The following AGBL1 variants were observed in gnomAD, a reference collection of about 807,000 sequenced individuals.
AGBL1 encodes cytosolic carboxypeptidase 4.
Under a neutral mutation model 118.9 loss-of-function variants are expected in AGBL1, and 130 were observed. The observed-to-expected ratio is 1.09, with a 90% CI of 0.95 to 1.26. The LOEUF (loss-of-function observed/expected upper bound fraction) is 1.26, where lower values mean the gene tolerates loss of function less well. Among genes scored for constraint, AGBL1 ranks in the 50% most tolerant of loss-of-function variants. The pLI is 0.00. For missense variants in AGBL1, 1,584 were observed against 1,298.1 expected, an observed-to-expected ratio of 1.22 and a Z score of -3.38; for synonymous variants, 555 against 478.9, an observed-to-expected ratio of 1.16 and a Z score of -2.08.
chr15:86,844,046 T>C (rs779420368), intron 22 of AGBL1, among the ~76,000 whole-genome samples: 3 of 152,220 alleles, frequency 2.0e-5, no homozygotes, highest in Admixed American at 6.5e-5. Flanking sequence ...ATCTATCTTA[T>C]AGCATTTATC....
At chr15:86,458,686 A>G (rs1437556810) in intron 18 of AGBL1, among the ~76,000 whole-genome samples, 1 of 152,158 alleles carries the variant, frequency 6.6e-6, no homozygotes, top group East Asian at 1.9e-4. Context: ...CATTTAAGAG[A>G]TGAGAACATT....
intron 1 of AGBL1, chr15:86,105,422 A>G (rs1896999778): frequency 6.6e-6 from 1 of 152,182 alleles, no homozygotes; most frequent in Non-Finnish European, 1.5e-5. Context: ...AAAGGCACAA[A>G]CTCATGTTAG....
chr15:86,919,598 A>ACG (rs1470908395), downstream of AGBL1, among the ~76,000 whole-genome samples: 4 of 138,070 alleles, frequency 2.9e-5, no homozygotes, highest in South Asian at 5.1e-4. Flanking sequence ...ACACACACAC[A>ACG]CACACACACA....
intron 21 of AGBL1, among the ~76,000 whole-genome samples, chr15:86,556,990 A>G (rs2083744324): frequency 6.6e-6 from 1 of 152,242 alleles, no homozygotes; most frequent in Non-Finnish European, 1.5e-5. Context: ...GAACTGCATT[A>G]AAGAACATAA....
chr15:86,817,307 A>C (rs1463687290), intron 22 of AGBL1, among the ~76,000 whole-genome samples: 1 of 151,568 alleles, frequency 6.6e-6, no homozygotes, highest in Non-Finnish European at 1.5e-5. Context: ...AAAAAAAAAA[A>C]AAACCACCAA....
chr15:86,123,657 C>G (rs892370599), intron 1 of AGBL1, among the ~76,000 whole-genome samples: 4 of 152,196 alleles, frequency 2.6e-5, no homozygotes, highest in African/African-American at 4.8e-5. Flanking sequence ...GACCTGGAAG[C>G]CCCTGCTTCT....
At chr15:86,342,201 G>A (rs1202433396) in intron 17 of AGBL1, among the ~76,000 whole-genome samples, 1 of 152,136 alleles carries the variant, frequency 6.6e-6, no homozygotes, top group Non-Finnish European at 1.5e-5. Context: ...CATGAGCACT[G>A]TCTAAGCTTT....
At position 86,636,758 on chromosome 15, in the gene AGBL1, T is replaced by TACAC. The variant is rs138402400; in HGVS notation, c.2995-37513_2995-37510dup. On this transcript the variant is annotated intron_variant, in intron 21 of 22. Coordinates refer to ENST00000614907, the MANE Select transcript of AGBL1 (RefSeq NM_001386094.1). ...ATATATATATATATATATATATATA[T>TACAC]ACACATACATACAGAAAGGCAAGAG... Among the ~76,000 whole-genome samples the TACAC allele has an allele frequency of 7.7e-4, 23 of 29,986 alleles. 2 individuals are homozygous for TACAC. Among genetic ancestry groups the TACAC allele is most frequent in the Admixed American group, 1.4e-3 (3 of 2,154 alleles). 19.7% of individuals were successfully genotyped at this position (29,986 alleles called of 152,430 possible).
intron 22 of AGBL1, among the ~76,000 whole-genome samples, chr15:86,779,420 T>A (rs2078300727): frequency 6.6e-6 from 1 of 152,240 alleles, no homozygotes; most frequent in Non-Finnish European, 1.5e-5. Flanking sequence ...TGTGTGAATA[T>A]TATTTATCCA....
At chr15:86,232,879 C>T (rs2078479110) in intron 6 of AGBL1, among the ~76,000 whole-genome samples, 1 of 152,170 alleles carries the variant, frequency 6.6e-6, no homozygotes, top group African/African-American at 2.4e-5. Context: ...TGCCAGCCCT[C>T]AGCGAAGTGG....
At chr15:86,722,363 A>T (rs1258101431) in intron 22 of AGBL1, among the ~76,000 whole-genome samples, 1 of 152,210 alleles carries the variant, frequency 6.6e-6, no homozygotes, top group East Asian at 1.9e-4. Context: ...CATATCTACA[A>T]CCATCTGATC....
chr15:86,137,878 C>G (rs1304375336), intron 1 of AGBL1, among the ~76,000 whole-genome samples: 3 of 152,158 alleles, frequency 2.0e-5, no homozygotes, highest in African/African-American at 7.2e-5. Flanking sequence ...ATGTTGGCCA[C>G]AGGTCAAACC....
intron 21 of AGBL1, among the ~76,000 whole-genome samples, chr15:86,666,220 C>T (rs998780468): frequency 1.3e-5 from 2 of 152,032 alleles, no homozygotes; most frequent in African/African-American, 4.8e-5. Context: ...TCTCTTGGTC[C>T]TAGGATTTAT....
intron 17 of AGBL1, among the ~76,000 whole-genome samples, chr15:86,344,336 C>T (rs905085856): frequency 2.6e-5 from 4 of 152,138 alleles, no homozygotes; most frequent in Non-Finnish European, 5.9e-5. Context: ...TGAAGTTCTG[C>T]CAAGCACGAA....
intron 22 of AGBL1, among the ~76,000 whole-genome samples, chr15:86,878,030 G>A (rs545773878): frequency 6.6e-6 from 1 of 152,272 alleles, no homozygotes; most frequent in African/African-American, 2.4e-5. Flanking sequence ...AGTGTAAACT[G>A]CGTCTGTTCT....
intron 23 of AGBL1, among the ~76,000 whole-genome samples, chr15:86,956,144 A>G (rs2080928034): frequency 6.6e-6 from 1 of 152,032 alleles, no homozygotes; most frequent in Non-Finnish European, 1.5e-5. Context: ...AAAAGTTATA[A>G]ATTCTGTATT....
intron 5 of AGBL1, among the ~76,000 whole-genome samples, chr15:86,194,468 A>C (rs2077769295): frequency 6.6e-6 from 1 of 152,106 alleles, no homozygotes; most frequent in African/African-American, 2.4e-5. Context: ...TTCATTTTCC[A>C]ATCCAGAATG....
At chr15:86,326,824 G>C (rs2080191513) in intron 17 of AGBL1, among the ~76,000 whole-genome samples, 1 of 152,150 alleles carries the variant, frequency 6.6e-6, no homozygotes, top group African/African-American at 2.4e-5. Context: ...TGAAGTATCT[G>C]AAAGAAGCTA....
At chr15:86,493,759 A>G (rs956775729) in intron 18 of AGBL1, among the ~76,000 whole-genome samples, 1 of 152,028 alleles carries the variant, frequency 6.6e-6, no homozygotes, top group African/African-American at 2.4e-5. Flanking sequence ...ACATCTCTAA[A>G]CATCATCGAC....
Sources: gnomAD v4.1 joint callset for allele counts (sites outside exome capture counted in the v4.1 genomes callset) on GRCh38, gnomAD v4.1.1 for gene constraint, MANE v1.5 for transcripts, NCBI Gene and HGNC (gene_info 2026-07-23, HGNC 2026-07-21) for gene names.